The following GYS2 variants were observed in gnomAD, a reference collection of about 807,000 sequenced individuals.
GYS2 encodes glycogen synthase 2.
In GYS2, 80 loss-of-function variants were observed where a neutral mutation model predicts 85.6. That is an observed-to-expected ratio of 0.93 (90% CI 0.78 to 1.13). The LOEUF (loss-of-function observed/expected upper bound fraction) is 1.13, where lower values mean the gene tolerates loss of function less well. GYS2 is among the 50% of genes most tolerant of loss of function. The probability of loss-of-function intolerance (pLI) is 0.00; values close to 1 mark genes in which losing one functional copy is unlikely to be tolerated. For synonymous variants in GYS2, 328 were observed against 300.7 expected (o/e 1.09, Z -0.94); for missense variants, 881 against 854.9 (o/e 1.03, Z -0.38).
At chr12:21,599,743 C>A (rs1280480456) in intron 1 of GYS2, among the ~76,000 whole-genome samples, 1 of 152,112 alleles carries the variant, frequency 6.6e-6, no homozygotes, top group Non-Finnish European at 1.5e-5. Context: ...ATATTTTTTC[C>A]TATTATTTCT....
At chr12:21,580,880 T>C (rs1487564939) in intron 1 of GYS2, among the ~76,000 whole-genome samples, 1 of 152,196 alleles carries the variant, frequency 6.6e-6, no homozygotes, top group Non-Finnish European at 1.5e-5. Flanking sequence ...TTAGGACAAA[T>C]ACCCATTGTC....
rs1452093826 is a variant in GYS2, at chr12:21,563,040, T to TAAAA, written c.942-6_942-3dup. On this transcript the variant is annotated splice_polypyrimidine_tract_variant and splice_region_variant and intron_variant, in intron 6 of 15. Coordinates refer to ENST00000261195, the MANE Select transcript of GYS2 (RefSeq NM_021957.4). The stretch of plus-strand genomic sequence containing the variant: ...TTTTCAAGATCAAAGTCGAGATGAC[T>TAAAA]AAAACAAAACAAAACCAAACAGTTT... The TAAAA allele has an allele frequency of 6.2e-7, 1 of 1,607,302 alleles. No homozygotes were observed. Among genetic ancestry groups the TAAAA allele is most frequent in the Non-Finnish European group, 8.5e-7 (1 of 1,174,268 alleles).
Position 21,558,347 on chromosome 12 carries a change from G to A in GYS2, c.1309-34C>T, listed in dbSNP as rs750652454. 4.5e-6 allele frequency: 6 copies of A among 1,321,876 alleles called. No individual in the cohort carries two copies. The South Asian group carries it at 4.7e-5, about 10-fold the overall frequency. The allele number at this position is 1,321,876 out of a possible 1,614,324, so 81.9% of individuals were successfully genotyped here. ...TGAGAGGGAAGGAAATATCAATTGC[G>A]GAAAGAATTAATAAGGGTGACTAAT... is the stretch of plus-strand genomic sequence containing the variant. On this transcript the variant is annotated intron_variant, in intron 10 of 15. Transcript: ENST00000261195.
downstream of GYS2, chr12:21,532,797 A>G (rs1410998545): frequency 1.3e-5 from 2 of 152,200 alleles, no homozygotes; most frequent in Non-Finnish European, 2.9e-5. Flanking sequence ...AACCAGAACA[A>G]TCTCAAAAAT....
Position 21,586,419 on chromosome 12 carries a change from ATATCTATCTATC to A in GYS2, c.122-5908_122-5897del, listed in dbSNP as rs60692055. On this transcript the variant is annotated intron_variant, in intron 1 of 15. Transcript: ENST00000261195. ...TAAACTCCCTTTTATATCTAAATCT[ATATCTATCTATC>A]TATCTATCTATCTATCTATCTATCT... Among the ~76,000 whole-genome samples the A allele has an allele frequency of 4.9e-3, 719 of 147,870 alleles. 5 individuals carry two copies. The highest frequency in any genetic ancestry group is 0.021 in the Middle Eastern group (6 of 284).
At chr12:21,571,632 T>C (rs1944386225) in intron 4 of GYS2, among the ~76,000 whole-genome samples, 1 of 152,132 alleles carries the variant, frequency 6.6e-6, no homozygotes, top group Non-Finnish European at 1.5e-5. Flanking sequence ...CAAACGGCAC[T>C]GTCCTCAGAT....
chr12:21,556,649 C>G (rs1443301915), intron 11 of GYS2, among the ~76,000 whole-genome samples: 3 of 152,176 alleles, frequency 2.0e-5, no homozygotes, highest in African/African-American at 7.2e-5. Context: ...AATCAGAAAC[C>G]GAACTCAGTT....
chr12:21,559,897 G>A (rs1375958738), intron 8 of GYS2, among the ~76,000 whole-genome samples, 187 bp from the exon 9 acceptor site: 1 of 152,126 alleles, frequency 6.6e-6, no homozygotes, highest in East Asian at 1.9e-4. Flanking sequence ...CATCTCCAGA[G>A]CTGAGGCAAC....
intron 11 of GYS2, among the ~76,000 whole-genome samples, chr12:21,556,508 T>C (rs1192995779): frequency 1.3e-5 from 2 of 152,218 alleles, no homozygotes; most frequent in Non-Finnish European, 2.9e-5. Flanking sequence ...TCATCATTCA[T>C]TGATGTCCAC....
At chr12:21,540,702 A>T in intron 13 of GYS2, 129 bp from the exon 14 acceptor site, 2 of 773,914 alleles carry the variant, frequency 2.6e-6, no homozygotes. Flanking sequence ...CTCAGGAATT[A>T]CCCCCACTTT....
chr12:21,550,784 T>C (rs550586152), intron 11 of GYS2, among the ~76,000 whole-genome samples: 3 of 152,012 alleles, frequency 2.0e-5, no homozygotes, highest in African/African-American at 7.2e-5. Flanking sequence ...CCACTAAAAA[T>C]ACAAAAATCA....
intron 14 of GYS2, 98 bp downstream of exon 14, chr12:21,540,312 A>G: frequency 9.5e-7 from 1 of 1,047,182 alleles, no homozygotes; most frequent in Non-Finnish European, 1.5e-6. Context: ...AACAATTATA[A>G]TATTGGATTA....
chr12:21,551,067 A>G (rs1016686611), intron 11 of GYS2, among the ~76,000 whole-genome samples: 17 of 151,558 alleles, frequency 1.1e-4, no homozygotes, highest in African/African-American at 4.1e-4. Flanking sequence ...TGTGCAGGTT[A>G]GTTACATACG....
chr12:21,600,631 G>A (rs767133349), intron 1 of GYS2, among the ~76,000 whole-genome samples: 17 of 152,014 alleles, frequency 1.1e-4, no homozygotes, highest in Non-Finnish European at 1.8e-4. Context: ...TGTTCTTTAC[G>A]GCAATTACAG....
At position 21,595,075 on chromosome 12, in the gene GYS2, C is replaced by T. The variant is rs76071205; in HGVS notation, c.121+9397G>A. Among the ~76,000 whole-genome samples, 1,101 of 152,228 alleles carry T rather than the reference C, an allele frequency of 7.2e-3. 4 individuals carry two copies. The highest frequency in any genetic ancestry group is 0.011 in the Non-Finnish European group (738 of 68,006). On this transcript the variant is annotated intron_variant, in intron 1 of 15. Coordinates refer to ENST00000261195, the MANE Select transcript of GYS2 (RefSeq NM_021957.4). ...CCATGTGCAAAAGAATAAAACTGGA[C>T]TGCTGATATGGTTTGGATGTTTGTT...
At position 21,574,327 on chromosome 12, in the gene GYS2, C is replaced by T; in HGVS notation, c.496-1G>A. On this transcript the variant is annotated splice_acceptor_variant, in intron 3 of 15. Transcript: ENST00000261195. LOFTEE classifies it high-confidence loss of function. ...ATTTACCATCTGCATGATCTGTCAC[C>T]TACATTAGGAAAAAAAAAGCATTCA... The T allele has an allele frequency of 6.2e-7, 1 of 1,611,122 alleles. No individual in the cohort carries two copies. Among genetic ancestry groups the T allele is most frequent in the Non-Finnish European group, 8.5e-7 (1 of 1,177,512 alleles).
chr12:21,572,717 G>A (rs1300520023), intron 4 of GYS2, among the ~76,000 whole-genome samples: 2 of 152,004 alleles, frequency 1.3e-5, no homozygotes. Flanking sequence ...TTCATCAAAA[G>A]GGTAAAATTG....
rs371997106 is a variant in GYS2 at position 21,585,348 on chromosome 12, G to A, written c.122-4825C>T. Among the ~76,000 whole-genome samples the A allele has an allele frequency of 1.8e-3, 281 of 152,294 alleles. 5 individuals carry two copies. Among genetic ancestry groups the A allele is most frequent in the African/African-American group, 6.4e-3 (266 of 41,560 alleles). The stretch of plus-strand genomic sequence containing the variant: ...TTTAAGTCAACAGGCTAAGAAGAGA[G>A]TTACAGTGTTGGCTGCGGTGATTAA... On this transcript the variant is annotated intron_variant, in intron 1 of 15. Coordinates refer to ENST00000261195, the MANE Select transcript of GYS2 (RefSeq NM_021957.4).
rs1393819897 is a variant in GYS2 at position 21,547,170 on chromosome 12, A to G, written c.1423-700T>C. Among the ~76,000 whole-genome samples, 3 of 152,206 alleles carry G rather than the reference A, an allele frequency of 2.0e-5. No homozygotes were observed. The East Asian group carries it at 5.8e-4, about 29-fold the overall frequency. On this transcript the variant is annotated intron_variant, in intron 11 of 15. Transcript: ENST00000261195. ...CAGAGTAAAAGCCAAAGTGTTTACC[A>G]TGGCTTCTAAGCAGTGGTATGCTGG...
Sources: allele counts gnomAD v4.1 joint callset (sites outside exome capture counted in the v4.1 genomes callset), GRCh38; gene constraint gnomAD v4.1.1; transcripts MANE v1.5; gene names NCBI Gene and HGNC (gene_info 2026-07-23, HGNC 2026-07-21).